Variants in MAGI1 observed in about 807,000 individuals in gnomAD.
The protein encoded by MAGI1 is membrane associated guanylate kinase, WW and PDZ domain containing 1, also known as membrane-associated guanylate kinase, WW and PDZ domain-containing protein 1.
A neutral mutation model predicts 139.9 loss-of-function variants in MAGI1; 58 were observed. That is an observed-to-expected ratio of 0.41 (90% CI 0.34 to 0.52). The LOEUF is 0.52. Ranked by LOEUF, MAGI1 falls within the 20% of genes least tolerant of loss-of-function variation. The pLI is 0.12. For missense variants in MAGI1, 1,874 were observed against 1,901.6 expected, an observed-to-expected ratio of 0.99 and a Z score of 0.27; for synonymous variants, 812 against 737.9, an observed-to-expected ratio of 1.10 and a Z score of -1.63.
chr3:65,770,589 G>T (rs946799546), intron 1 of MAGI1, among the ~76,000 whole-genome samples: 1 of 152,106 alleles, frequency 6.6e-6, no homozygotes, highest in African/African-American at 2.4e-5. Context: ...GAGAGCTGAG[G>T]GACAGGTATG....
chr3:66,035,264 G>C (rs1001719933), intron 1 of MAGI1, among the ~76,000 whole-genome samples: 11 of 151,968 alleles, frequency 7.2e-5, no homozygotes, highest in Non-Finnish European at 1.3e-4. Flanking sequence ...TATCTTTCCA[G>C]AGAACTGCCA....
chr3:65,984,512 ATGTGTGTGTGTGTGTGTGTGTG>A (rs34046056), intron 1 of MAGI1, among the ~76,000 whole-genome samples: 5 of 140,394 alleles, frequency 3.6e-5, no homozygotes, highest in South Asian at 4.8e-4. Context: ...TCAAAATAAA[ATGTGTGTGTGTGTGTGTGTGTG>A]TGTGTGTGTG....
At chr3:65,609,537 C>T (rs1386128073) in intron 2 of MAGI1, among the ~76,000 whole-genome samples, 2 of 152,014 alleles carry the variant, frequency 1.3e-5, no homozygotes, top group Admixed American at 1.3e-4. Context: ...CCTCAGCCTC[C>T]CAAAGTGCTA....
intron 1 of MAGI1, among the ~76,000 whole-genome samples, chr3:65,636,473 G>A (rs994721927): frequency 2.0e-5 from 3 of 152,094 alleles, no homozygotes; most frequent in African/African-American, 7.2e-5. Flanking sequence ...GGCTATAAAA[G>A]CCATTCAGTA....
intron 1 of MAGI1, among the ~76,000 whole-genome samples, chr3:65,958,564 G>A (rs1014231834): frequency 6.6e-6 from 1 of 152,146 alleles, no homozygotes; most frequent in Non-Finnish European, 1.5e-5. Context: ...AGGTTAGTGT[G>A]GAATTAAATA....
intron 1 of MAGI1, among the ~76,000 whole-genome samples, chr3:65,886,607 G>C (rs2060540905): frequency 6.6e-6 from 1 of 152,168 alleles, no homozygotes; most frequent in Admixed American, 6.5e-5. Context: ...GTGAAGAGAA[G>C]AGACCTGCTC....
chr3:65,638,269 A>G (rs2084759224), intron 1 of MAGI1, among the ~76,000 whole-genome samples: 1 of 152,152 alleles, frequency 6.6e-6, no homozygotes, highest in African/African-American at 2.4e-5. Context: ...CCTTTCCTTC[A>G]TCATCTGACT....
intron 1 of MAGI1, among the ~76,000 whole-genome samples, chr3:65,757,071 A>T (rs1161040205): frequency 7.1e-6 from 1 of 139,926 alleles, no homozygotes; most frequent in African/African-American, 2.7e-5. Context: ...CCTTGCCGGG[A>T]GGTTTATAAA....
chr3:65,694,617 G>A (rs983914595), intron 1 of MAGI1, among the ~76,000 whole-genome samples: 1 of 152,186 alleles, frequency 6.6e-6, no homozygotes, highest in African/African-American at 2.4e-5. Context: ...GTTGATTCTG[G>A]CTAAGCCTTC....
intron 1 of MAGI1, chr3:65,874,345 A>G (rs1481514251): frequency 1.3e-5 from 2 of 152,154 alleles, no homozygotes. Context: ...TGACCCACAG[A>G]ATGAGAGAAC....
intron 1 of MAGI1, among the ~76,000 whole-genome samples, chr3:65,802,226 G>A (rs2040559619): frequency 6.6e-6 from 1 of 152,080 alleles, no homozygotes; most frequent in South Asian, 2.1e-4. Flanking sequence ...AGCATTTGAG[G>A]TACAATTCTG....
intron 2 of MAGI1, among the ~76,000 whole-genome samples, chr3:65,609,548 G>C (rs1352050391): frequency 3.3e-5 from 5 of 151,888 alleles, no homozygotes; most frequent in African/African-American, 9.7e-5. Flanking sequence ...CAAAGTGCTA[G>C]GATTACAGGT....
intron 1 of MAGI1, chr3:66,009,337 C>T (rs1206038280): frequency 3.3e-5 from 5 of 152,030 alleles, no homozygotes; most frequent in Admixed American, 1.3e-4. Flanking sequence ...CAGAGAAACC[C>T]CGTCTCCACT....
intron 1 of MAGI1, among the ~76,000 whole-genome samples, chr3:65,725,912 G>GT (rs1369895918): frequency 1.3e-5 from 2 of 152,154 alleles, no homozygotes; most frequent in African/African-American, 4.8e-5. Flanking sequence ...TTGATTCCAG[G>GT]TAAGTTAATT....
At chr3:65,899,323 A>G (rs552361955) in intron 1 of MAGI1, among the ~76,000 whole-genome samples, 1 of 152,358 alleles carries the variant, frequency 6.6e-6, no homozygotes. Context: ...GAAAAGAGTC[A>G]TCAGAGGAAG....
chr3:65,898,906 ATAAT>A (rs2061097792), intron 1 of MAGI1, among the ~76,000 whole-genome samples: 1 of 152,180 alleles, frequency 6.6e-6, no homozygotes, highest in Non-Finnish European at 1.5e-5. Context: ...ATATTTTTAA[ATAAT>A]TAAAGAAAAT....
intron 1 of MAGI1, among the ~76,000 whole-genome samples, chr3:65,857,383 A>C (rs961974574): frequency 6.6e-6 from 1 of 152,220 alleles, no homozygotes; most frequent in African/African-American, 2.4e-5. Context: ...ACTTTTGTTC[A>C]TTATCACCCT....
chr3:65,934,840 A>G (rs559131004), intron 1 of MAGI1, among the ~76,000 whole-genome samples: 3 of 152,132 alleles, frequency 2.0e-5, no homozygotes, highest in Middle Eastern at 3.4e-3. Context: ...TCTTGTGAGC[A>G]AACATCAATA....
chr3:65,947,656 A>G, intron 1 of MAGI1, among the ~76,000 whole-genome samples: 1 of 152,114 alleles, frequency 6.6e-6, no homozygotes, highest in African/African-American at 2.4e-5. Flanking sequence ...TCGGTCTGTT[A>G]CCCAGACTGG....
Sources: gnomAD v4.1 joint callset for allele counts (sites outside exome capture counted in the v4.1 genomes callset) on GRCh38, gnomAD v4.1.1 for gene constraint, MANE v1.5 for transcripts, NCBI Gene and HGNC (gene_info 2026-07-23, HGNC 2026-07-21) for gene names.